TOM1: variants seen among roughly 807,000 people sequenced by gnomAD.
The protein encoded by TOM1 is target of Myb protein 1.
TOM1 carries 38 observed loss-of-function variants against 61.3 expected under a neutral mutation model. That is an observed-to-expected ratio of 0.62 (90% CI 0.48 to 0.81). TOM1 has a LOEUF of 0.81. Among genes scored for constraint, TOM1 ranks in the 40% least tolerant of loss-of-function variants. TOM1 has a pLI of 0.00. For synonymous variants in TOM1, 270 were observed against 268.8 expected, an observed-to-expected ratio of 1.00 and a Z score of -0.04; for missense variants, 591 against 659.6, an observed-to-expected ratio of 0.90 and a Z score of 1.14.
chr22:35,347,298 G>A lies in TOM1; in HGVS notation c.*89G>A. The A allele has an allele frequency of 7.1e-7, 1 of 1,408,892 alleles. No homozygotes were observed. Among genetic ancestry groups the A allele is most frequent in the Non-Finnish European group, 9.5e-7 (1 of 1,049,944 alleles). 87.3% of individuals were successfully genotyped at this position (1,408,892 alleles called of 1,614,324 possible). On this transcript the variant is annotated 3_prime_UTR_variant, in exon 15 of 15. Coordinates refer to ENST00000449058, the MANE Select transcript of TOM1 (RefSeq NM_005488.3). ...CCCTCCCTCCTCTGGTGTTAAGGCT[G>A]CTTTGGGGGTGGCTTGTTACCCCCT...
intron 11 of TOM1, among the ~76,000 whole-genome samples, chr22:35,334,870 C>G (rs1259999123): frequency 1.4e-5 from 2 of 140,006 alleles, no homozygotes; most frequent in African/African-American, 5.2e-5. Flanking sequence ...GCATAGTAAG[C>G]CCTCCAGGAG....
chr22:35,343,270 C>CAT (rs1930093608), intron 12 of TOM1, among the ~76,000 whole-genome samples: 2 of 7,512 alleles, frequency 2.7e-4, no homozygotes, highest in Admixed American at 1.4e-3. Flanking sequence ...CACACCTCCA[C>CAT]TCATACACCT....
At chr22:35,302,310 TTC>T (rs1491448820) in intron 1 of TOM1, among the ~76,000 whole-genome samples, 4 of 141,612 alleles carry the variant, frequency 2.8e-5, no homozygotes, top group African/African-American at 1.1e-4. Flanking sequence ...TTCTTTTTTT[TTC>T]TTTTTCTTTT....
chr22:35,300,122 G>A, intron 1 of TOM1, 142 bp downstream of exon 1: 2 of 910,774 alleles, frequency 2.2e-6, no homozygotes, highest in Non-Finnish European at 1.6e-6. Flanking sequence ...GCTCCGCCCA[G>A]CTTTCCTCCC....
chr22:35,334,786 G>A (rs549448666), intron 11 of TOM1, among the ~76,000 whole-genome samples: 1 of 152,256 alleles, frequency 6.6e-6, no homozygotes, highest in Admixed American at 6.5e-5. Flanking sequence ...GCAGCACTAG[G>A]TTAGGAGCCT....
Position 35,317,895 on chromosome 22 carries a change from C to T in TOM1, c.71C>T (p.Ser24Phe), listed in dbSNP as rs752134095. 6.2e-7 allele frequency: 1 copy of T among 1,614,166 alleles called. No individual in the cohort carries two copies. The change falls in exon 2 of 15, where the codon TCC (serine) becomes TTC (phenylalanine). Residue 24 changes from serine to phenylalanine, a missense_variant. Physicochemically the swap from Ser to Phe is radical, Grantham distance 155 (BLOSUM62 -2). Transcript: ENST00000449058. ...TTCTCAGAGAAAGCCACAGATGGCT[C>T]CCTGCAGAGCGAGGACTGGGCCCTC... ...GQRIEKATDG[S>F]LQSEDWALNM...
At chr22:35,325,425 G>T (rs1028106678) in intron 6 of TOM1, among the ~76,000 whole-genome samples, 1 of 152,158 alleles carries the variant, frequency 6.6e-6, no homozygotes, top group Non-Finnish European at 1.5e-5. Flanking sequence ...AATTATTAAC[G>T]CACTGCCCGT....
intron 2 of TOM1, among the ~76,000 whole-genome samples, chr22:35,320,931 G>A (rs1483114223): frequency 6.8e-6 from 1 of 146,500 alleles, no homozygotes; most frequent in African/African-American, 2.5e-5. Flanking sequence ...ACAGCGAGCT[G>A]TGATTGCACC....
At chr22:35,340,383 G>A (rs1929775180) in intron 12 of TOM1, among the ~76,000 whole-genome samples, 1 of 152,162 alleles carries the variant, frequency 6.6e-6, no homozygotes. Flanking sequence ...TAAGTGAGGT[G>A]GAGGCCGCGG....
chr22:35,341,277 C>T (rs1342118193), intron 12 of TOM1, among the ~76,000 whole-genome samples: 1 of 152,228 alleles, frequency 6.6e-6, no homozygotes, highest in East Asian at 1.9e-4. Context: ...GTGCCTGGCA[C>T]ACACTACGGT....
chr22:35,325,520 T>A (rs1441636664), intron 6 of TOM1, among the ~76,000 whole-genome samples: 2 of 152,222 alleles, frequency 1.3e-5, no homozygotes, highest in African/African-American at 4.8e-5. Context: ...AAGTTCTGTT[T>A]AGAAATAACT....
At position 35,343,104 on chromosome 22, in the gene TOM1, ACCACACACAC is replaced by A. The variant is rs1377180280; in HGVS notation, c.1225-2609_1225-2600del. ...ACACACCACACCTACACACCCATAC[ACCACACACAC>A]CCACACACACCACACACACACATCT... is the stretch of plus-strand genomic sequence containing the variant. On this transcript the variant is annotated intron_variant, in intron 12 of 14. Coordinates refer to ENST00000449058, the MANE Select transcript of TOM1 (RefSeq NM_005488.3). Among the ~76,000 whole-genome samples the A allele has an allele frequency of 1.5e-3, 124 of 82,654 alleles. 2 individuals carry two copies. The highest frequency in any genetic ancestry group is 5.7e-3 in the African/African-American group (118 of 20,616). 54.2% of individuals were successfully genotyped at this position (82,654 alleles called of 152,430 possible).
At chr22:35,302,421 C>T (rs1292977004) in intron 1 of TOM1, among the ~76,000 whole-genome samples, 1 of 144,032 alleles carries the variant, frequency 6.9e-6, no homozygotes, top group African/African-American at 2.6e-5. Flanking sequence ...CTGCAACTTC[C>T]GCCTCCCGGG....
intron 1 of TOM1, among the ~76,000 whole-genome samples, chr22:35,302,330 CTTTTTTTTT>C: frequency 1.4e-5 from 1 of 70,938 alleles, no homozygotes; most frequent in East Asian, 4.4e-4. Context: ...TTTTCTTTTT[CTTTTTTTTT>C]TTTTTTTTTT....
rs547638829 is a variant in TOM1 at position 35,322,995 on chromosome 22, C to G, written c.217-33C>G. 10 of 1,611,334 alleles carry G rather than the reference C, an allele frequency of 6.2e-6. No individual in the cohort carries two copies. In the Admixed American group the frequency reaches 1.7e-4, roughly 27 times the overall value. ...TTCTGAGCACCTCCTCTCCTCTGACCAAGGTGCTCGACGGCACCTCTCGGC... is the reference window on the plus strand; with the variant it reads ...TTCTGAGCACCTCCTCTCCTCTGACGAAGGTGCTCGACGGCACCTCTCGGC... On this transcript the variant is annotated intron_variant, in intron 3 of 14. Coordinates refer to ENST00000449058, the MANE Select transcript of TOM1 (RefSeq NM_005488.3).
upstream of TOM1, chr22:35,299,383 G>C (rs1925507695): frequency 6.5e-6 from 1 of 153,024 alleles, no homozygotes; most frequent in South Asian, 1.9e-4. Flanking sequence ...TTTAAGGTAA[G>C]ATAATTTGGG....
intron 13 of TOM1, among the ~76,000 whole-genome samples, chr22:35,346,638 T>A (rs571745443): frequency 6.6e-6 from 1 of 152,140 alleles, no homozygotes; most frequent in South Asian, 2.1e-4. Context: ...CTGTGTGTTA[T>A]CCCATTTCAG....
At chr22:35,316,284 G>A (rs1393207194) in intron 1 of TOM1, among the ~76,000 whole-genome samples, 1 of 152,254 alleles carries the variant, frequency 6.6e-6, no homozygotes, top group Middle Eastern at 3.2e-3. Flanking sequence ...CCTCCATGTA[G>A]TCACAATACA....
In TOM1 at chr22:35,323,429, G is replaced by A. The variant is rs1928017874; in HGVS notation, c.367-67G>A. ...GGGAAAGAATGTCTGTTCTCTGTCTGAGTGCCAGGTGGGCAGGCTCACAGG... is the reference window on the plus strand; with the variant it reads ...GGGAAAGAATGTCTGTTCTCTGTCTAAGTGCCAGGTGGGCAGGCTCACAGG... On this transcript the variant is annotated intron_variant, in intron 4 of 14. Coordinates refer to ENST00000449058, the MANE Select transcript of TOM1 (RefSeq NM_005488.3). This position sits in a 1 kb window ranked among gnomAD's most constrained non-coding sequence, Gnocchi z 4.2. The A allele has an allele frequency of 1.3e-6, 2 of 1,559,224 alleles. No individual in the cohort carries two copies. The highest frequency in any genetic ancestry group is 1.4e-5 in the African/African-American group (1 of 73,428).
Sources: allele counts gnomAD v4.1 joint callset (sites outside exome capture counted in the v4.1 genomes callset), GRCh38; gene constraint gnomAD v4.1.1; non-coding constraint Gnocchi (gnomAD v3.1); transcripts MANE v1.5; gene names NCBI Gene and HGNC (gene_info 2026-07-23, HGNC 2026-07-21).